TOX3: variants seen among roughly 807,000 people sequenced by gnomAD.
TOX3 encodes the protein TOX high mobility group box family member 3, also known as CAG trinucleotide repeat-containing gene F9 protein.
A neutral mutation model predicts 64.3 loss-of-function variants in TOX3; 22 were observed. The observed-to-expected ratio is 0.34, with a 90% CI of 0.24 to 0.49. The LOEUF (loss-of-function observed/expected upper bound fraction) is 0.49. Among genes scored for constraint, TOX3 ranks in the 20% least tolerant of loss-of-function variants. The pLI is 0.99. For missense variants in TOX3, 661 were observed against 714.4 expected, an observed-to-expected ratio of 0.93 and a Z score of 0.85; for synonymous variants, 291 against 273.6, an observed-to-expected ratio of 1.06 and a Z score of -0.63.
chr16:52,470,715 C>T (rs998137776), intron 1 of TOX3, among the ~76,000 whole-genome samples: 1 of 152,178 alleles, frequency 6.6e-6, no homozygotes, highest in Non-Finnish European at 1.5e-5. Context: ...GCAGTGCACA[C>T]TGATGAGCAG....
chr16:52,508,120 G>A (rs1405224169), intron 1 of TOX3, among the ~76,000 whole-genome samples: 1 of 152,136 alleles, frequency 6.6e-6, no homozygotes, highest in Non-Finnish European at 1.5e-5. Context: ...ATAAGAAAAT[G>A]TTTCCTTTGT....
chr16:52,485,643 T>C (rs1330419323), intron 1 of TOX3, among the ~76,000 whole-genome samples: 1 of 151,890 alleles, frequency 6.6e-6, no homozygotes, highest in Non-Finnish European at 1.5e-5. Context: ...CCCCTGAATC[T>C]AAAATAAAAT....
intron 3 of TOX3, among the ~76,000 whole-genome samples, chr16:52,456,201 A>C (rs1480453168): frequency 1.3e-5 from 2 of 152,242 alleles, no homozygotes; most frequent in Non-Finnish European, 2.9e-5. Context: ...CATGGTATAT[A>C]TCTGGTGGGA....
intron 1 of TOX3, among the ~76,000 whole-genome samples, chr16:52,488,776 G>C (rs915448562): frequency 6.6e-6 from 1 of 152,116 alleles, no homozygotes; most frequent in Non-Finnish European, 1.5e-5. Flanking sequence ...CACACAGAGA[G>C]AGACATACAG....
At chr16:52,449,837 G>A (rs760556741) in intron 4 of TOX3, among the ~76,000 whole-genome samples, 2 of 152,236 alleles carry the variant, frequency 1.3e-5, no homozygotes, top group African/African-American at 4.8e-5. Context: ...TGAACTCAGC[G>A]ATAAACATCA....
chr16:52,464,021 G>A lies in TOX3; in HGVS notation c.321C>T (p.Pro107=). 6.2e-7 allele frequency: 1 copy of A among 1,600,024 alleles called. No individual in the cohort carries two copies. Among genetic ancestry groups the A allele is most frequent in the South Asian group, 1.1e-5 (1 of 88,298 alleles). ...TGGAAGGGAGGTCCAGGCTTTGAGG[G>A]GGAAACTGGGGTGTGAATTCACTTC... ...SQGSEFTPQF[P]PQSLDLPSIT... The change falls in exon 3 of 7, where the codon CCC becomes CCT. Residue 107 remains proline (P), a synonymous_variant. Coordinates refer to ENST00000219746, the MANE Select transcript of TOX3 (RefSeq NM_001080430.4).
chr16:52,474,030 A>G (rs1455534791), intron 1 of TOX3, among the ~76,000 whole-genome samples: 1 of 152,162 alleles, frequency 6.6e-6, no homozygotes, highest in Non-Finnish European at 1.5e-5. Context: ...CGTACATCCA[A>G]CGGTCTACAG....
At position 52,455,615 on chromosome 16, in the gene TOX3, T is replaced by C. The variant is rs28437415; in HGVS notation, c.409-5069A>G. ...AAATAGGTTATACAAAAGAGAGTTA[T>C]TGGGGAAGGATGGCTACATTTGATT... is the stretch of plus-strand genomic sequence containing the variant. On this transcript the variant is annotated intron_variant, in intron 3 of 6. Transcript: ENST00000219746. Among the ~76,000 whole-genome samples the C allele has an allele frequency of 8.7e-3, 1,330 of 152,188 alleles. 27 individuals are homozygous for C. The highest frequency in any genetic ancestry group is 0.03 in the African/African-American group (1,235 of 41,520).
intron 1 of TOX3, among the ~76,000 whole-genome samples, chr16:52,501,397 C>T (rs898624720): frequency 5.3e-5 from 8 of 152,120 alleles, no homozygotes; most frequent in African/African-American, 9.7e-5. Context: ...GATGGCTGAG[C>T]GTGGTGGCTC....
At chr16:52,493,882 C>T (rs1959503968) in intron 1 of TOX3, among the ~76,000 whole-genome samples, 1 of 152,206 alleles carries the variant, frequency 6.6e-6, no homozygotes, top group African/African-American at 2.4e-5. Flanking sequence ...AATGTCAATA[C>T]TTCAGATGCT....
intron 1 of TOX3, among the ~76,000 whole-genome samples, chr16:52,508,609 T>C (rs1962222242): frequency 6.6e-6 from 1 of 152,104 alleles, no homozygotes. Flanking sequence ...AATATATTAT[T>C]AGGGGATAAA....
chr16:52,540,526 C>A (rs2151490692), intron 1 of TOX3, among the ~76,000 whole-genome samples: 1 of 152,248 alleles, frequency 6.6e-6, no homozygotes, highest in East Asian at 1.9e-4. Flanking sequence ...GTAGCAATGC[C>A]CAGCCTCAAG....
intron 1 of TOX3, among the ~76,000 whole-genome samples, chr16:52,544,739 A>G (rs939862336): frequency 1.3e-5 from 2 of 152,204 alleles, no homozygotes; most frequent in East Asian, 3.8e-4. Context: ...AATAGACTCA[A>G]AATAGCCTTT....
intron 1 of TOX3, among the ~76,000 whole-genome samples, chr16:52,473,728 G>A (rs1047105642): frequency 3.3e-5 from 5 of 152,162 alleles, no homozygotes; most frequent in Non-Finnish European, 5.9e-5. Flanking sequence ...TGGGTCTGGA[G>A]CACCACATTA....
chr16:52,519,431 TGAA>T, intron 1 of TOX3: 1 of 1,551,568 alleles, frequency 6.4e-7, no homozygotes. Context: ...TATCAGGTAA[TGAA>T]GTCTCTCCTC....
chr16:52,497,974 T>C (rs948648110), intron 1 of TOX3, among the ~76,000 whole-genome samples: 3 of 152,206 alleles, frequency 2.0e-5, no homozygotes, highest in Admixed American at 6.5e-5. Context: ...ACCCAGAGGA[T>C]GATGCGATCT....
chr16:52,457,633 C>T (rs1349441609), intron 3 of TOX3, among the ~76,000 whole-genome samples: 1 of 152,028 alleles, frequency 6.6e-6, no homozygotes, highest in African/African-American at 2.4e-5. Flanking sequence ...GAAATGCAGG[C>T]CAGTAATTTT....
chr16:52,533,582 C>A lies in TOX3; in HGVS notation c.87+13055G>T, dbSNP rs563464896. ...GATTTGAAAAACACTGTTTACACCC[C>A]TTTTGTGTTTATTTTTAGGATTTTC... On this transcript the variant is annotated intron_variant, in intron 1 of 6. Transcript: ENST00000219746. Among the ~76,000 whole-genome samples, 20 of 152,276 alleles carry A rather than the reference C, an allele frequency of 1.3e-4. No homozygotes were observed. The South Asian group carries it at 3.9e-3, about 30-fold the overall frequency.
chr16:52,481,694 C>T (rs2041562264), intron 1 of TOX3, among the ~76,000 whole-genome samples: 2 of 152,204 alleles, frequency 1.3e-5, no homozygotes, highest in Non-Finnish European at 2.9e-5. Context: ...GCTTTAGAAA[C>T]ATGTCAGGGC....
Sources: allele counts gnomAD v4.1 joint callset (sites outside exome capture counted in the v4.1 genomes callset), GRCh38; gene constraint gnomAD v4.1.1; transcripts MANE v1.5; gene names NCBI Gene and HGNC (gene_info 2026-07-23, HGNC 2026-07-21).